Variants in RARB observed in about 807,000 individuals in gnomAD.
RARB encodes the protein retinoic acid receptor beta, also known as HBV-activated protein.
RARB carries 17 observed loss-of-function variants against 51.9 expected under a neutral mutation model. The observed-to-expected ratio is 0.33, with a 90% confidence interval of 0.22 to 0.49. The LOEUF is 0.49. Ranked by LOEUF, RARB falls within the 20% of genes least tolerant of loss-of-function variation. The pLI is 0.99. For missense variants in RARB, 369 were observed against 550.8 expected, an observed-to-expected ratio of 0.67 and a Z score of 3.30; for synonymous variants, 215 against 195.4, an observed-to-expected ratio of 1.10 and a Z score of -0.84.
At chr3:24,881,424 A>G (rs372615958) in intron 2 of RARB, among the ~76,000 whole-genome samples, 1 of 152,210 alleles carries the variant, frequency 6.6e-6, no homozygotes, top group African/African-American at 2.4e-5. Flanking sequence ...GAAAGAATAG[A>G]GAAATTTCTC....
intron 1 of RARB, among the ~76,000 whole-genome samples, chr3:24,856,435 A>G (rs1367860419): frequency 1.3e-5 from 2 of 152,328 alleles, no homozygotes; most frequent in East Asian, 1.9e-4. Context: ...CACCATGGTT[A>G]TGTTGAAATT....
intron 5 of RARB, among the ~76,000 whole-genome samples, chr3:25,357,097 C>T (rs1198847075): frequency 2.0e-5 from 3 of 152,032 alleles, no homozygotes; most frequent in South Asian, 2.1e-4. Flanking sequence ...CACACTGTTT[C>T]CCACAATGGT....
chr3:25,029,556 T>G (rs1458827764), intron 2 of RARB, among the ~76,000 whole-genome samples: 1 of 152,212 alleles, frequency 6.6e-6, no homozygotes, highest in East Asian at 1.9e-4. Flanking sequence ...TCTTCACTGA[T>G]GAGCCTTCTT....
intron 3 of RARB, among the ~76,000 whole-genome samples, chr3:25,075,612 T>G (rs1434777526): frequency 1.3e-5 from 2 of 151,964 alleles, no homozygotes; most frequent in African/African-American, 4.8e-5. Context: ...AGAACCCTCT[T>G]ATTATCCATA....
At chr3:25,108,877 G>A (rs930332091) in intron 3 of RARB, among the ~76,000 whole-genome samples, 3 of 151,998 alleles carry the variant, frequency 2.0e-5, no homozygotes, top group African/African-American at 7.3e-5. Flanking sequence ...CAGTATTTCT[G>A]TATCTCCTTA....
At chr3:25,360,245 C>G (rs868426404) in intron 5 of RARB, among the ~76,000 whole-genome samples, 1 of 152,120 alleles carries the variant, frequency 6.6e-6, no homozygotes, top group Non-Finnish European at 1.5e-5. Flanking sequence ...TTCTTTGTCT[C>G]TTTTGATCTT....
At chr3:25,509,710 G>A (rs1201146773) in intron 3 of RARB, among the ~76,000 whole-genome samples, 1 of 152,136 alleles carries the variant, frequency 6.6e-6, no homozygotes, top group Non-Finnish European at 1.5e-5. Flanking sequence ...GAACTGGGGT[G>A]TTAGAAAGGA....
intron 5 of RARB, among the ~76,000 whole-genome samples, chr3:25,403,395 T>C (rs1412459177): frequency 6.6e-5 from 10 of 152,092 alleles, no homozygotes; most frequent in Non-Finnish European, 4.4e-5. Context: ...ACTTACTGTG[T>C]ACCCACAAAA....
chr3:25,331,214 G>A (rs1704884591), intron 5 of RARB, among the ~76,000 whole-genome samples: 1 of 152,144 alleles, frequency 6.6e-6, no homozygotes, highest in South Asian at 2.1e-4. Flanking sequence ...CAAATCAACA[G>A]AATATACATT....
At chr3:25,400,720 C>T (rs1348626117) in intron 5 of RARB, among the ~76,000 whole-genome samples, 1 of 152,046 alleles carries the variant, frequency 6.6e-6, no homozygotes, top group African/African-American at 2.4e-5. Context: ...ATAAAGTTTC[C>T]TAGTTGAGTT....
chr3:25,073,123 A>G (rs1469716117), intron 3 of RARB, among the ~76,000 whole-genome samples: 1 of 152,202 alleles, frequency 6.6e-6, no homozygotes, highest in Admixed American at 6.5e-5. Context: ...CCAAAGTCAA[A>G]TATCTACAGA....
At chr3:24,953,181 A>G (rs1056693677) in intron 2 of RARB, among the ~76,000 whole-genome samples, 1 of 152,186 alleles carries the variant, frequency 6.6e-6, no homozygotes, top group African/African-American at 2.4e-5. Flanking sequence ...GTGAAGTGGT[A>G]TTATGCATCT....
chr3:25,066,604 A>AACACACACAC (rs5847340), intron 3 of RARB, among the ~76,000 whole-genome samples: 1 of 146,728 alleles, frequency 6.8e-6, no homozygotes, highest in Non-Finnish European at 1.5e-5. Flanking sequence ...CGCACACATA[A>AACACACACAC]ACACACACAC....
intron 4 of RARB, among the ~76,000 whole-genome samples, chr3:25,146,130 T>C (rs781361820): frequency 1.3e-5 from 2 of 152,200 alleles, no homozygotes; most frequent in Admixed American, 6.5e-5. Context: ...GATGAGTTTC[T>C]TGACCTCTCA....
chr3:24,890,473 G>C (rs1011339256), intron 2 of RARB, among the ~76,000 whole-genome samples: 1 of 152,138 alleles, frequency 6.6e-6, no homozygotes, highest in African/African-American at 2.4e-5. Flanking sequence ...TGTAGGTCAG[G>C]CATGGTGGTT....
chr3:25,148,425 T>C (rs1408962140), intron 4 of RARB, among the ~76,000 whole-genome samples: 1 of 152,236 alleles, frequency 6.6e-6, no homozygotes, highest in Non-Finnish European at 1.5e-5. Flanking sequence ...GATCAGGGGA[T>C]TCTATTGAAT....
chr3:25,075,517 G>C (rs1698854162), intron 3 of RARB, among the ~76,000 whole-genome samples: 1 of 152,080 alleles, frequency 6.6e-6, no homozygotes, highest in Non-Finnish European at 1.5e-5. Context: ...AAAGTAGATA[G>C]GGAAAATATT....
chr3:25,428,554 T>G lies in RARB; in HGVS notation c.-178T>G. Reference sequence around the variant, plus strand: ...ATGGTAAATGATCATTTGGATCAATTACAGGCTTTTAGCTGGCTTGTCTGT... The same window carrying G: ...ATGGTAAATGATCATTTGGATCAATGACAGGCTTTTAGCTGGCTTGTCTGT... On this transcript the variant is annotated 5_prime_UTR_variant, in exon 1 of 8. The change creates a new upstream start codon in the 5' untranslated region. Transcript: ENST00000330688. 7.7e-7 allele frequency: 1 copy of G among 1,306,526 alleles called. No individual in the cohort carries two copies. Among genetic ancestry groups the G allele is most frequent in the South Asian group, 2.5e-5 (1 of 39,300 alleles). 80.9% of individuals were successfully genotyped at this position (1,306,526 alleles called of 1,614,324 possible). A position where few individuals can be genotyped will look rare whatever the true frequency, so the allele number is the denominator to read the frequency against.
chr3:25,404,412 C>T (rs771754330), intron 5 of RARB, among the ~76,000 whole-genome samples: 1 of 152,204 alleles, frequency 6.6e-6, no homozygotes, highest in Non-Finnish European at 1.5e-5. Flanking sequence ...CTGGAGCCAC[C>T]ATTTTACCCA....
Sources: allele counts gnomAD v4.1 joint callset (sites outside exome capture counted in the v4.1 genomes callset), GRCh38; gene constraint gnomAD v4.1.1; transcripts MANE v1.5; gene names NCBI Gene and HGNC (gene_info 2026-07-23, HGNC 2026-07-21).